Variants in CSPG5 observed in about 807,000 individuals in gnomAD.
CSPG5 encodes the protein acidic leucine-rich EGF-like domain-containing brain protein.
CSPG5 carries 25 observed loss-of-function variants against 39.8 expected under a neutral mutation model. The ratio of observed to expected loss-of-function variants is 0.63; its 90% CI spans 0.46 to 0.88. The LOEUF (loss-of-function observed/expected upper bound fraction) is 0.88. CSPG5 is among the 40% of genes least tolerant of loss of function. CSPG5 has a pLI of 0.00. For synonymous variants in CSPG5, 295 were observed against 303.9 expected (o/e 0.97, Z 0.31); for missense variants, 627 against 702.2 (o/e 0.89, Z 1.21).
intron 2 of CSPG5, among the ~76,000 whole-genome samples, chr3:47,575,884 C>T (rs1374649864): frequency 6.6e-6 from 1 of 151,928 alleles, no homozygotes; most frequent in Non-Finnish European, 1.5e-5. Context: ...CACCCCTCAA[C>T]CCAGCCCTTT....
Position 47,562,241 on chromosome 3 carries a change from C to A in CSPG5, c.*359G>T, listed in dbSNP as rs78579263. 319 of 165,908 alleles carry A rather than the reference C, an allele frequency of 1.9e-3. 1 individual carries two copies. Among genetic ancestry groups the A allele is most frequent in the African/African-American group, 7.2e-3 (301 of 42,078 alleles). 10.3% of individuals were successfully genotyped at this position (165,908 alleles called of 1,614,324 possible). A position where few individuals can be genotyped will look rare whatever the true frequency, so the allele number is the denominator to read the frequency against. On this transcript the variant is annotated 3_prime_UTR_variant, in exon 5 of 5. Coordinates refer to ENST00000264723, the MANE Select transcript of CSPG5 (RefSeq NM_006574.4). ...ACACAAAGACTAAGAAAATGAATAA[C>A]TTTTTAAAAAGTTTTATTTCAAGAA...
In CSPG5 at chr3:47,577,063, A is replaced by G. The variant is rs748645809; in HGVS notation, c.963T>C (p.His321=). Residue 321 remains histidine (H), a synonymous_variant, in exon 2 of 5, where the codon CAT becomes CAC. Coordinates refer to ENST00000264723, the MANE Select transcript of CSPG5 (RefSeq NM_006574.4). This position sits in a 1 kb window ranked among gnomAD's most constrained non-coding sequence, Gnocchi z 4.7. The part of the protein sequence containing the change: ...PGTGQPTSRW[H]AVPPQHTLGS... ...CCAGAGTGTGCTGTGGAGGGACAGC[A>G]TGCCACCGACTGGTGGGCTGGCCTG... 2.4e-5 allele frequency: 38 copies of G among 1,613,556 alleles called. No homozygotes were observed. Among genetic ancestry groups the G allele is most frequent in the Non-Finnish European group, 3.1e-5 (36 of 1,179,994 alleles).
Position 47,578,604 on chromosome 3 carries a change from G to C in CSPG5, c.90C>G (p.Ala30=), listed in dbSNP as rs2031875157. 2 of 1,152,374 alleles carry C rather than the reference G, an allele frequency of 1.7e-6. No homozygotes were observed. The highest frequency in any genetic ancestry group is 2.1e-6 in the Non-Finnish European group (2 of 932,674). 71.4% of individuals were successfully genotyped at this position (1,152,374 alleles called of 1,614,324 possible). The change falls in exon 1 of 5, where the codon GCC becomes GCG. Residue 30 remains alanine, a synonymous_variant. Transcript: ENST00000264723. The surrounding 1 kb of genome is among the most constrained non-coding windows in gnomAD (Gnocchi z 6.0). ...GGGCGCAGTCATACCTACCCGGCAC[G>C]GCCCCAGAGGCCAGGACCAGCGCGG... ...LGAALVLASG[A]VPAREAGSAV...
chr3:47,575,033 T>C (rs930138936), intron 2 of CSPG5, among the ~76,000 whole-genome samples: 1 of 152,262 alleles, frequency 6.6e-6, no homozygotes. Context: ...TTTCTACATG[T>C]TATTCTCTGA....
intron 2 of CSPG5, among the ~76,000 whole-genome samples, chr3:47,576,406 C>T (rs1237802022): frequency 2.0e-5 from 3 of 151,724 alleles, no homozygotes; most frequent in Admixed American, 6.6e-5. Context: ...GGGAATCCTG[C>T]GACTGTACAA....
At position 47,577,386 on chromosome 3, in the gene CSPG5, C is replaced by T. The variant is rs1174084216; in HGVS notation, c.640G>A (p.Glu214Lys). Residue 214 changes from glutamate to lysine, a missense_variant, in exon 2 of 5, where the codon GAA becomes AAA. Physicochemically the swap from Glu to Lys is moderately conservative, Grantham distance 56. Coordinates refer to ENST00000264723, the MANE Select transcript of CSPG5 (RefSeq NM_006574.4). The surrounding 1 kb of genome is among the most constrained non-coding windows in gnomAD (Gnocchi z 4.7). ...ASDIIDIDYF[E>K]GLDGEGRGAD... Reference sequence around the variant, plus strand: ...CCACGACCCTCACCATCCAGTCCTTCGAAGTAGTCGATGTCAATGATATCT... The same window carrying T: ...CCACGACCCTCACCATCCAGTCCTTTGAAGTAGTCGATGTCAATGATATCT... The T allele has an allele frequency of 6.2e-7, 1 of 1,614,196 alleles. No homozygotes were observed. The highest frequency in any genetic ancestry group is 1.1e-5 in the South Asian group (1 of 91,086).
intron 4 of CSPG5, 43 bp downstream of exon 4, chr3:47,569,109 C>T (rs761248511): frequency 6.3e-7 from 1 of 1,584,114 alleles, no homozygotes; most frequent in Non-Finnish European, 8.6e-7. Flanking sequence ...AAGGCACGGG[C>T]ATGGGGGGAG....
rs2031835982 is a variant in CSPG5, at chr3:47,577,974, A to AGGAGCCCT, written c.98-54_98-47dup. The AGGAGCCCT allele has an allele frequency of 5.1e-6, 7 of 1,376,570 alleles. No individual in the cohort carries two copies. Among genetic ancestry groups the AGGAGCCCT allele is most frequent in the Non-Finnish European group, 6.5e-6 (7 of 1,074,914 alleles). 85.3% of individuals were successfully genotyped at this position (1,376,570 alleles called of 1,614,324 possible). On this transcript the variant is annotated intron_variant, in intron 1 of 4. Transcript: ENST00000264723. The surrounding 1 kb of genome is among the most constrained non-coding windows in gnomAD (Gnocchi z 4.7). The stretch of plus-strand genomic sequence containing the variant: ...GGCGGGACGTCAGGGCGGCGCGCTG[A>AGGAGCCCT]GGAGCCCTGGAGCCCCGGCCCGCCC...
rs780743795 is a variant in CSPG5, at chr3:47,577,737, C to G, written c.289G>C (p.Gly97Arg). The change falls in exon 2 of 5, where the codon GGC (glycine) becomes CGC (arginine). Residue 97 changes from glycine (G) to arginine (R), a missense_variant. Physicochemically the swap from Gly to Arg is moderately radical, Grantham distance 125. Coordinates refer to ENST00000264723, the MANE Select transcript of CSPG5 (RefSeq NM_006574.4). The surrounding 1 kb of genome is among the most constrained non-coding windows in gnomAD (Gnocchi z 4.7). Reference sequence around the variant, plus strand: ...CTGTCAGCTTCCAGCCAGGCGGTGCCGGTCACCGCAGCCGACTCCTGCAGC... The same window carrying G: ...CTGTCAGCTTCCAGCCAGGCGGTGCGGGTCACCGCAGCCGACTCCTGCAGC... ...EVLQESAAVT[G>R]TAWLEADSPG... 51 of 1,580,314 alleles carry G rather than the reference C, an allele frequency of 3.2e-5. No individual in the cohort carries two copies. The highest frequency in any genetic ancestry group is 3.8e-5 in the Non-Finnish European group (45 of 1,168,976).
At chr3:47,567,161 A>G (rs2031341264) in intron 4 of CSPG5, among the ~76,000 whole-genome samples, 1 of 152,130 alleles carries the variant, frequency 6.6e-6, no homozygotes, top group Non-Finnish European at 1.5e-5. Flanking sequence ...AAACTTTCCT[A>G]AGGATGCTTG....
At position 47,572,802 on chromosome 3, in the gene CSPG5, C is replaced by T. The variant is rs1281722531; in HGVS notation, c.1266G>A (p.Met422Ile). The T allele has an allele frequency of 2.8e-5, 46 of 1,614,038 alleles. No individual in the cohort carries two copies. The highest frequency in any genetic ancestry group is 3.7e-5 in the Non-Finnish European group (44 of 1,180,004). The change falls in exon 3 of 5, where the codon ATG becomes ATA. Residue 422 changes from methionine to isoleucine, a missense_variant. Coordinates refer to ENST00000264723, the MANE Select transcript of CSPG5 (RefSeq NM_006574.4). This position sits in a 1 kb window ranked among gnomAD's most constrained non-coding sequence, Gnocchi z 4.5. Reference sequence around the variant, plus strand: ...GGGCAGCCGAGCCCACGGCCACGCACATCACCTGGAAGTCGGTGATGATGG... The same window carrying T: ...GGGCAGCCGAGCCCACGGCCACGCATATCACCTGGAAGTCGGTGATGATGG... ...CESIITDFQVMCVAVGSAALV... is the reference protein window; with the variant it reads ...CESIITDFQVICVAVGSAALV...
chr3:47,562,648 A>T lies in CSPG5; in HGVS notation c.1572T>A (p.Gly524=). Residue 524 remains glycine, a synonymous_variant, in exon 5 of 5, where the codon GGT becomes GGA. Transcript: ENST00000264723. ...AGTTCACATCCAAGTCAGCCTGGTC[A>T]CCTTTGCCACCCTCAAGTTTGGGCG... is the stretch of plus-strand genomic sequence containing the variant. ...SMSPKLEGGK[G]DQADLDVNCL... is the part of the protein sequence containing the mutation. 1.2e-6 allele frequency: 2 copies of T among 1,613,556 alleles called. No individual in the cohort carries two copies. Among genetic ancestry groups the T allele is most frequent in the Non-Finnish European group, 1.7e-6 (2 of 1,179,908 alleles).
At position 47,562,795 on chromosome 3, in the gene CSPG5, A is replaced by AATGCAT. The variant is rs772452394; in HGVS notation, c.1459-40_1459-35dup. The AATGCAT allele has an allele frequency of 5.7e-5, 88 of 1,541,074 alleles. 1 individual carries two copies. In the Admixed American group the frequency reaches 1.2e-3, roughly 22 times the overall value. ...GGGAAAAAGTTGGGGGGGGGGAGAC[A>AATGCAT]ATGCATACAGCAACCAAATAATAAT... On this transcript the variant is annotated intron_variant, in intron 4 of 4. Transcript: ENST00000264723.
intron 4 of CSPG5, among the ~76,000 whole-genome samples, chr3:47,563,879 G>A (rs1182866147): frequency 6.6e-6 from 1 of 152,138 alleles, no homozygotes; most frequent in Non-Finnish European, 1.5e-5. Flanking sequence ...AGGTTCTCAG[G>A]AAGCTCACAC....
Position 47,578,604 on chromosome 3 carries a change from G to A in CSPG5, c.90C>T (p.Ala30=). The change falls in exon 1 of 5, where the codon GCC becomes GCT. Residue 30 remains alanine, a synonymous_variant. Transcript: ENST00000264723. This position sits in a 1 kb window ranked among gnomAD's most constrained non-coding sequence, Gnocchi z 6.0. ...LGAALVLASG[A]VPAREAGSAV... is the part of the protein sequence containing the mutation. ...GGGCGCAGTCATACCTACCCGGCAC[G>A]GCCCCAGAGGCCAGGACCAGCGCGG... 1.7e-6 allele frequency: 2 copies of A among 1,152,374 alleles called. No individual in the cohort carries two copies. The highest frequency in any genetic ancestry group is 2.1e-6 in the Non-Finnish European group (2 of 932,674). The allele number at this position is 1,152,374 out of a possible 1,614,324, so 71.4% of individuals were successfully genotyped here.
At chr3:47,571,589 C>G (rs1032274435) in intron 3 of CSPG5, among the ~76,000 whole-genome samples, 1 of 152,240 alleles carries the variant, frequency 6.6e-6, no homozygotes, top group African/African-American at 2.4e-5. Flanking sequence ...GCCGTACCAG[C>G]CCCGCGGCGG....
intron 2 of CSPG5, among the ~76,000 whole-genome samples, chr3:47,575,578 T>C (rs1165514191): frequency 6.6e-6 from 1 of 152,128 alleles, no homozygotes; most frequent in Non-Finnish European, 1.5e-5. Flanking sequence ...TATCCCAAGG[T>C]AGACAAACAT....
In CSPG5 at chr3:47,572,557, AGC is replaced by A; in HGVS notation, c.1382+127_1382+128del. ...AGTGAATTTTTAGCACAGACAAAAC[AGC>A]TGGGAATGGAGCACAGGTGCCAGAA... On this transcript the variant is annotated intron_variant, in intron 3 of 4. Coordinates refer to ENST00000264723, the MANE Select transcript of CSPG5 (RefSeq NM_006574.4). This position sits in a 1 kb window ranked among gnomAD's most constrained non-coding sequence, Gnocchi z 4.5. 1.3e-6 allele frequency: 1 copy of A among 776,560 alleles called. No individual in the cohort carries two copies. Among genetic ancestry groups the A allele is most frequent in the South Asian group, 1.7e-5 (1 of 57,734 alleles). The allele number at this position is 776,560 out of a possible 1,614,324, so 48.1% of individuals were successfully genotyped here.
rs1243399488 is a variant in CSPG5 at position 47,578,256 on chromosome 3, C to T, written c.98-328G>A. Reference sequence around the variant, plus strand: ...ACCCTCGGGAACCCACCCTGAGCCGCGTCCACTGGCTCCCGCCCTCAGCTC... The same window carrying T: ...ACCCTCGGGAACCCACCCTGAGCCGTGTCCACTGGCTCCCGCCCTCAGCTC... On this transcript the variant is annotated intron_variant, in intron 1 of 4. Coordinates refer to ENST00000264723, the MANE Select transcript of CSPG5 (RefSeq NM_006574.4). This position sits in a 1 kb window ranked among gnomAD's most constrained non-coding sequence, Gnocchi z 6.0. The T allele has an allele frequency of 4.2e-5, 12 of 285,850 alleles. No individual in the cohort carries two copies. The highest frequency in any genetic ancestry group is 6.4e-5 in the Non-Finnish European group (10 of 155,472). The allele number at this position is 285,850 out of a possible 1,614,324, so 17.7% of individuals were successfully genotyped here.
Sources: allele counts gnomAD v4.1 joint callset (sites outside exome capture counted in the v4.1 genomes callset), GRCh38; gene constraint gnomAD v4.1.1; non-coding constraint Gnocchi (gnomAD v3.1); transcripts MANE v1.5; gene names NCBI Gene and HGNC (gene_info 2026-07-23, HGNC 2026-07-21).